The following ACTR3C variants were observed in gnomAD, a reference collection of about 807,000 sequenced individuals.
ACTR3C encodes the protein actin-related protein 3C.
Under a neutral mutation model 26.3 loss-of-function variants are expected in ACTR3C, and 18 were observed. The ratio of observed to expected loss-of-function variants is 0.68; its 90% CI spans 0.47 to 1.01. ACTR3C has a LOEUF of 1.01. Ranked by LOEUF, ACTR3C falls within the 50% of genes least tolerant of loss-of-function variation. The pLI, the probability that ACTR3C is intolerant of heterozygous loss-of-function variation, is 0.00. For missense variants in ACTR3C, 184 were observed against 250.7 expected (o/e 0.73, Z 1.80); for synonymous variants, 55 against 94.5 (o/e 0.58, Z 2.42).
the ACTR3C span, among the ~76,000 whole-genome samples, chr7:150,231,065 T>G: frequency 6.6e-6 from 1 of 152,224 alleles, no homozygotes; most frequent in Non-Finnish European, 1.5e-5. Flanking sequence ...CTCTTATATA[T>G]TCAGTAATAC....
chr7:150,039,699 G>A, the ACTR3C span, among the ~76,000 whole-genome samples: 14 of 131,422 alleles, frequency 1.1e-4, no homozygotes, highest in African/African-American at 3.3e-4. Context: ...CCTAAGCCGG[G>A]GGGGAAGAGG....
chr7:150,104,297 T>G, the ACTR3C span, among the ~76,000 whole-genome samples: 1 of 151,778 alleles, frequency 6.6e-6, no homozygotes. Flanking sequence ...GCCCAGAATT[T>G]TTAGAACTTC....
chr7:150,104,918 C>A, the ACTR3C span, among the ~76,000 whole-genome samples: 3 of 151,808 alleles, frequency 2.0e-5, no homozygotes, highest in Admixed American at 6.6e-5. Flanking sequence ...TGCTTTTATT[C>A]CCTCTCAGAA....
At chr7:150,197,614 G>A in the ACTR3C span, among the ~76,000 whole-genome samples, 6 of 152,124 alleles carry the variant, frequency 3.9e-5, no homozygotes, top group Non-Finnish European at 5.9e-5. Flanking sequence ...CTTGTTAGTC[G>A]ATGATTCCCA....
chr7:150,177,940 G>A, the ACTR3C span, among the ~76,000 whole-genome samples: 24,468 of 150,260 alleles, frequency 0.16, 4,363 homozygotes, highest in African/African-American at 0.39. Context: ...TTTATTATCC[G>A]TAAATTTTAT....
At chr7:150,214,039 A>C in the ACTR3C span, among the ~76,000 whole-genome samples, 1 of 149,558 alleles carries the variant, frequency 6.7e-6, no homozygotes, top group Non-Finnish European at 1.5e-5. Flanking sequence ...ATGGGCTACA[A>C]GAGGATAAAA....
At chr7:150,203,212 G>T in the ACTR3C span, among the ~76,000 whole-genome samples, 1 of 152,222 alleles carries the variant, frequency 6.6e-6, no homozygotes, top group South Asian at 2.1e-4. Context: ...CCAAGATGGT[G>T]TGTGTGGACA....
At chr7:150,093,906 C>T in the ACTR3C span, among the ~76,000 whole-genome samples, 3 of 150,804 alleles carry the variant, frequency 2.0e-5, no homozygotes, top group South Asian at 2.1e-4. Context: ...GGGCTTCCTG[C>T]GTGCAGATAG....
At chr7:150,071,036 C>T in the ACTR3C span, among the ~76,000 whole-genome samples, 58 of 138,044 alleles carry the variant, frequency 4.2e-4, no homozygotes, top group African/African-American at 1.6e-3. Context: ...CCTCATGATC[C>T]ACCTACCTCA....
chr7:149,983,449 G>GTGTATATATATA, the ACTR3C span, among the ~76,000 whole-genome samples: 24 of 23,320 alleles, frequency 1.0e-3, no homozygotes, highest in African/African-American at 3.2e-3. Context: ...GTGTGTGTGT[G>GTGTATATATATA]TATATATATA....
At chr7:150,090,735 G>T in the ACTR3C span, among the ~76,000 whole-genome samples, 1 of 150,304 alleles carries the variant, frequency 6.7e-6, no homozygotes, top group African/African-American at 2.4e-5. Flanking sequence ...ATTTCCCTAT[G>T]TAAGATACAT....
At chr7:149,883,265 G>A in the ACTR3C span, among the ~76,000 whole-genome samples, 539 of 152,306 alleles carry the variant, frequency 3.5e-3, 1 homozygote, top group Non-Finnish European at 5.8e-3. Flanking sequence ...GTCTCTTGGT[G>A]CAGGGGTTTG....
chr7:150,163,066 A>G, the ACTR3C span, among the ~76,000 whole-genome samples: 2 of 151,968 alleles, frequency 1.3e-5, no homozygotes, highest in South Asian at 2.1e-4. Flanking sequence ...AGGCAGGAGA[A>G]TTTCTTGAAA....
the ACTR3C span, among the ~76,000 whole-genome samples, chr7:150,149,079 G>GTGTA: frequency 1.1e-4 from 10 of 93,176 alleles, 1 homozygote; most frequent in Non-Finnish European, 1.3e-4. Flanking sequence ...TAAAGTTTGA[G>GTGTA]TATATATATA....
the ACTR3C span, among the ~76,000 whole-genome samples, chr7:150,106,846 C>G: frequency 6.8e-6 from 1 of 146,094 alleles, no homozygotes. Flanking sequence ...AGGAGATGTA[C>G]TGGGTGGCTG....
intron 6 of ACTR3C, among the ~76,000 whole-genome samples, chr7:150,249,707 G>A (rs1173846711): frequency 6.6e-6 from 1 of 152,152 alleles, no homozygotes; most frequent in Non-Finnish European, 1.5e-5. Context: ...CGCCTGCCTC[G>A]GCCTCCCATT....
the ACTR3C span, among the ~76,000 whole-genome samples, chr7:150,238,825 G>A: frequency 1.4e-5 from 2 of 147,676 alleles, no homozygotes; most frequent in Non-Finnish European, 2.9e-5. Context: ...TAATTAAGTT[G>A]TATTTGTCTG....
chr7:150,243,469 G>A (rs183583313), downstream of ACTR3C, among the ~76,000 whole-genome samples: 9,703 of 151,024 alleles, frequency 0.064, 884 homozygotes, highest in African/African-American at 0.23. Context: ...CATTTGTTAT[G>A]GAGCAAAGAT....
In ACTR3C at chr7:150,274,074, T is replaced by C. The variant is rs1834659061; in HGVS notation, c.564+10679A>G. Among the ~76,000 whole-genome samples, 1 of 151,150 alleles carries C rather than the reference T, an allele frequency of 6.6e-6. No individual in the cohort carries two copies. ...GGTAGGGAGACAGAACTATTAAGTA[T>C]AAATAACTAAAATATATAGCAAATT... is the stretch of plus-strand genomic sequence containing the variant. On this transcript the variant is annotated intron_variant, in intron 6 of 7. Transcript: ENST00000683684. The surrounding 1 kb of genome is among the most constrained non-coding windows in gnomAD (Gnocchi z 4.1).
Sources: allele counts gnomAD v4.1 joint callset (sites outside exome capture counted in the v4.1 genomes callset), GRCh38; gene constraint gnomAD v4.1.1; non-coding constraint Gnocchi (gnomAD v3.1); transcripts MANE v1.5; gene names NCBI Gene and HGNC (gene_info 2026-07-23, HGNC 2026-07-21).